Variants in HECTD2 observed in about 807,000 individuals in gnomAD.
HECTD2 encodes probable E3 ubiquitin-protein ligase HECTD2.
HECTD2 carries 35 observed loss-of-function variants against 103.2 expected under a neutral mutation model. That is an observed-to-expected ratio of 0.34 (90% CI 0.26 to 0.45). HECTD2 has a LOEUF of 0.45. Among genes scored for constraint, HECTD2 ranks in the 20% least tolerant of loss-of-function variants. The probability of loss-of-function intolerance (pLI) is 1.00; values close to 1 mark genes in which losing one functional copy is unlikely to be tolerated. For synonymous variants in HECTD2, 281 were observed against 329.9 expected (o/e 0.85, Z 1.61); for missense variants, 596 against 937.4 (o/e 0.64, Z 4.76).
chr10:91,451,496 G>A (rs1844825970), intron 2 of HECTD2, among the ~76,000 whole-genome samples: 2 of 151,912 alleles, frequency 1.3e-5, no homozygotes, highest in African/African-American at 4.8e-5. Context: ...TTCTGCACAT[G>A]TATTCCAGAA....
chr10:91,462,012 A>T (rs1180345193), intron 4 of HECTD2, 83 bp from the exon 5 acceptor site: 4 of 1,002,858 alleles, frequency 4.0e-6, no homozygotes, highest in Non-Finnish European at 5.8e-6. Context: ...AATCAAAATT[A>T]TGAAGGAATA....
At chr10:91,437,683 G>C (rs184204006) in intron 2 of HECTD2, among the ~76,000 whole-genome samples, 19 of 108,926 alleles carry the variant, frequency 1.7e-4, no homozygotes, top group African/African-American at 5.8e-4. Flanking sequence ...TTCTTATACT[G>C]TGTTTAAGGT....
intron 20 of HECTD2, among the ~76,000 whole-genome samples, chr10:91,502,810 A>G (rs147497801): frequency 2.0e-4 from 31 of 152,290 alleles, no homozygotes; most frequent in African/African-American, 7.2e-4. Context: ...CATTACTTCT[A>G]AACTTTCCCA....
chr10:91,424,575 A>T (rs894527316), intron 1 of HECTD2, among the ~76,000 whole-genome samples: 2 of 152,150 alleles, frequency 1.3e-5, no homozygotes, highest in Non-Finnish European at 2.9e-5. Flanking sequence ...GCTTCAAAGT[A>T]TGTGTGAAGA....
At chr10:91,462,055 A>T in intron 4 of HECTD2, 40 bp from the exon 5 acceptor site, 1 of 1,416,780 alleles carries the variant, frequency 7.1e-7, no homozygotes, top group Non-Finnish European at 9.9e-7. Context: ...AATAGTCTTT[A>T]AAATGTTGAA....
chr10:91,425,075 C>G (rs1178214615), intron 1 of HECTD2, among the ~76,000 whole-genome samples: 1 of 151,974 alleles, frequency 6.6e-6, no homozygotes, highest in African/African-American at 2.4e-5. Flanking sequence ...TTCCAAACTT[C>G]TCAATTTGTA....
At chr10:91,426,655 C>T (rs899700294) in intron 2 of HECTD2, among the ~76,000 whole-genome samples, 3 of 151,718 alleles carry the variant, frequency 2.0e-5, no homozygotes, top group Non-Finnish European at 4.4e-5. Flanking sequence ...ACTCTAATTT[C>T]TATCTACTCC....
At position 91,496,295 on chromosome 10, in the gene HECTD2, C is replaced by G. The variant is rs1846660653; in HGVS notation, c.1603C>G (p.Pro535Ala). ...CTGTTACAAGAAATTATTGAGCCCTCCCATCATTCCTAGTGATCAAAATAT... is the reference window on the plus strand; with the variant it reads ...CTGTTACAAGAAATTATTGAGCCCTGCCATCATTCCTAGTGATCAAAATAT... ...PCCYKKLLSP[P>A]IIPSDQNIPV... The change falls in exon 15 of 21, where the codon CCC becomes GCC. Residue 535 changes from proline (P) to alanine (A), a missense_variant. Coordinates refer to ENST00000298068, the MANE Select transcript of HECTD2 (RefSeq NM_182765.6). The G allele has an allele frequency of 6.2e-7, 1 of 1,611,898 alleles. No individual in the cohort carries two copies. The highest frequency in any genetic ancestry group is 1.1e-5 in the South Asian group (1 of 90,982).
intron 1 of HECTD2, among the ~76,000 whole-genome samples, chr10:91,422,033 T>G (rs951771300): frequency 6.6e-6 from 1 of 152,172 alleles, no homozygotes; most frequent in Non-Finnish European, 1.5e-5. Flanking sequence ...TAGCTTCCAG[T>G]ATTTCTGCCC....
chr10:91,485,264 A>G lies in HECTD2; in HGVS notation c.1055A>G (p.Glu352Gly). The G allele has an allele frequency of 6.3e-7, 1 of 1,595,898 alleles. No individual in the cohort carries two copies. The highest frequency in any genetic ancestry group is 8.5e-7 in the Non-Finnish European group (1 of 1,172,224). Residue 352 changes from glutamate to glycine, a missense_variant, in exon 10 of 21, where the codon GAA (glutamate) becomes GGA (glycine). Physicochemically the swap from Glu to Gly is moderately conservative, Grantham distance 98. This residue lies in a region of HECTD2 where 303 missense variants were observed against 522.5 expected (regional missense o/e 0.58). Transcript: ENST00000298068. ...NSTLDHIDLM[E>G]EYHTWQNFGN... ...ACATTGGATCACATTGATCTCATGG[A>G]AGAATATCATACTTGGCAAAACTTT...
chr10:91,485,730 A>G (rs1334116475), intron 10 of HECTD2: 2 of 153,650 alleles, frequency 1.3e-5, no homozygotes, highest in Non-Finnish European at 2.9e-5. Context: ...TGTGTCCCAA[A>G]TGACTTTATT....
intron 4 of HECTD2, among the ~76,000 whole-genome samples, chr10:91,461,671 C>G (rs751205433): frequency 1.3e-5 from 2 of 152,038 alleles, no homozygotes; most frequent in African/African-American, 2.4e-5. Flanking sequence ...GCCTCAGCCT[C>G]CTGAGTAGCT....
chr10:91,428,004 T>C (rs1282738506), intron 2 of HECTD2, among the ~76,000 whole-genome samples: 1 of 151,860 alleles, frequency 6.6e-6, no homozygotes, highest in Non-Finnish European at 1.5e-5. Context: ...GTTTTTATGG[T>C]TTTAGGTCTA....
At chr10:91,459,815 A>G (rs1845266952) in intron 2 of HECTD2, among the ~76,000 whole-genome samples, 1 of 152,142 alleles carries the variant, frequency 6.6e-6, no homozygotes, top group Admixed American at 6.5e-5. Flanking sequence ...TTAAATAAAC[A>G]AATGCTTATC....
chr10:91,476,860 G>A lies in HECTD2; in HGVS notation c.601-1341G>A, dbSNP rs576457729. ...TCGTCTTGATCCTAGCAAAGAGGCT[G>A]CTCAGGATGGGGAGGGGATAAAAAC... On this transcript the variant is annotated intron_variant, in intron 5 of 20. Coordinates refer to ENST00000298068, the MANE Select transcript of HECTD2 (RefSeq NM_182765.6). Among the ~76,000 whole-genome samples the A allele has an allele frequency of 3.3e-5, 5 of 152,312 alleles. No homozygotes were observed. In the South Asian group the frequency reaches 8.3e-4, roughly 25 times the overall value.
intron 2 of HECTD2, among the ~76,000 whole-genome samples, chr10:91,459,446 T>A (rs1452048101): frequency 2.0e-5 from 3 of 152,064 alleles, no homozygotes. Flanking sequence ...GGTTGAATAG[T>A]TAACCATATA....
At chr10:91,416,645 T>C (rs1463348788) in intron 1 of HECTD2, among the ~76,000 whole-genome samples, 2 of 152,222 alleles carry the variant, frequency 1.3e-5, no homozygotes, top group East Asian at 1.9e-4. Flanking sequence ...ATATCCTCAT[T>C]GTTAAGTGAC....
At chr10:91,435,243 G>T (rs1181924526) in intron 2 of HECTD2, among the ~76,000 whole-genome samples, 2 of 151,862 alleles carry the variant, frequency 1.3e-5, no homozygotes, top group Admixed American at 1.3e-4. Flanking sequence ...AGTTCCCTCT[G>T]TGTGAATGAG....
chr10:91,462,276 T>G, intron 5 of HECTD2, 92 bp downstream of exon 5: 5 of 1,310,126 alleles, frequency 3.8e-6, no homozygotes, highest in Non-Finnish European at 5.1e-6. Flanking sequence ...ACCTTATAAT[T>G]ACCTTAGAAA....
Sources: allele counts gnomAD v4.1 joint callset (sites outside exome capture counted in the v4.1 genomes callset), GRCh38; gene constraint gnomAD v4.1.1; regional missense constraint gnomAD v4.1.1; transcripts MANE v1.5; gene names NCBI Gene and HGNC (gene_info 2026-07-23, HGNC 2026-07-21).